Variants in DNAJA3 observed in about 807,000 individuals in gnomAD.
DNAJA3 encodes DnaJ heat shock protein family (Hsp40) member A3, also known as dnaJ homolog subfamily A member 3, mitochondrial.
A neutral mutation model predicts 54.9 loss-of-function variants in DNAJA3; 29 were observed. That is an observed-to-expected ratio of 0.53 (90% CI 0.39 to 0.72). The LOEUF is 0.72. Among genes scored for constraint, DNAJA3 ranks in the 30% least tolerant of loss-of-function variants. The pLI, the probability that DNAJA3 is intolerant of heterozygous loss-of-function variation, is 0.00. For synonymous variants in DNAJA3, 302 were observed against 251.4 expected, an observed-to-expected ratio of 1.20 and a Z score of -1.90; for missense variants, 708 against 639.4, an observed-to-expected ratio of 1.11 and a Z score of -1.16.
chr16:4,426,374 C>T (rs1407753843), intron 1 of DNAJA3, among the ~76,000 whole-genome samples: 1 of 152,348 alleles, frequency 6.6e-6, no homozygotes, highest in Non-Finnish European at 1.5e-5. Flanking sequence ...CCGCTGCTCC[C>T]TCGTCCTCTT....
At chr16:4,450,618 T>C in intron 10 of DNAJA3, 121 bp downstream of exon 10, 1 of 750,000 alleles carries the variant, frequency 1.3e-6, no homozygotes, top group Admixed American at 3.0e-5. Context: ...CTTTAAAATG[T>C]GCAGTTGAAA....
intron 2 of DNAJA3, among the ~76,000 whole-genome samples, chr16:4,435,992 C>A (rs1257565565): frequency 6.6e-6 from 1 of 152,212 alleles, no homozygotes; most frequent in African/African-American, 2.4e-5. Context: ...TAACTATTAT[C>A]GTCTGTCTTT....
intron 3 of DNAJA3, 75 bp from the exon 4 acceptor site, chr16:4,441,300 T>G (rs1316795006): frequency 5.8e-6 from 8 of 1,376,826 alleles, no homozygotes; most frequent in Non-Finnish European, 8.0e-6. Flanking sequence ...GCTGCCTTAT[T>G]TGCTGTGAAC....
intron 1 of DNAJA3, among the ~76,000 whole-genome samples, chr16:4,428,731 G>A (rs547927389): frequency 6.6e-6 from 1 of 152,242 alleles, no homozygotes; most frequent in Admixed American, 6.5e-5. Context: ...GGTACGTGCT[G>A]TTTTCACAGA....
intron 2 of DNAJA3, among the ~76,000 whole-genome samples, chr16:4,436,149 C>G (rs1253342092): frequency 6.6e-6 from 1 of 152,064 alleles, no homozygotes; most frequent in African/African-American, 2.4e-5. Flanking sequence ...GATCCATTGC[C>G]CACTTTTAAC....
chr16:4,455,704 T>G lies in DNAJA3; in HGVS notation c.*172T>G. On this transcript the variant is annotated 3_prime_UTR_variant, in exon 12 of 12. Transcript: ENST00000262375. ...GCAAAATCATGGGACAACACCTCTC[T>G]CCACGGAAAGGTCACAGTGGACAGC... The G allele has an allele frequency of 9.9e-7, 1 of 1,006,534 alleles. No homozygotes were observed. The highest frequency in any genetic ancestry group is 1.5e-6 in the Non-Finnish European group (1 of 666,790). The allele number at this position is 1,006,534 out of a possible 1,614,324, so 62.4% of individuals were successfully genotyped here.
intron 1 of DNAJA3, among the ~76,000 whole-genome samples, chr16:4,429,234 C>CA: frequency 6.6e-6 from 1 of 150,606 alleles, no homozygotes; most frequent in East Asian, 2.0e-4. Flanking sequence ...GCTCTGTAGC[C>CA]AGGCTGGAGT....
intron 8 of DNAJA3, 176 bp downstream of exon 8, chr16:4,447,190 G>A (rs1334316255): frequency 1.6e-5 from 11 of 688,278 alleles, no homozygotes; most frequent in East Asian, 8.4e-5. Flanking sequence ...ACAAGCCACA[G>A]GCCTTGAGTC....
At chr16:4,454,083 A>G (rs2057007993) in intron 10 of DNAJA3, among the ~76,000 whole-genome samples, 1 of 152,190 alleles carries the variant, frequency 6.6e-6, no homozygotes, top group African/African-American at 2.4e-5. Context: ...GGTTGAGAGC[A>G]TTTAGGTTAG....
In DNAJA3 at chr16:4,455,706, C is replaced by A; in HGVS notation, c.*174C>A. 1.0e-6 allele frequency: 1 copy of A among 985,782 alleles called. No homozygotes were observed. The highest frequency in any genetic ancestry group is 1.5e-6 in the Non-Finnish European group (1 of 648,584). The allele number at this position is 985,782 out of a possible 1,614,324, so 61.1% of individuals were successfully genotyped here. On this transcript the variant is annotated 3_prime_UTR_variant, in exon 12 of 12. Coordinates refer to ENST00000262375, the MANE Select transcript of DNAJA3 (RefSeq NM_005147.6). ...AAAATCATGGGACAACACCTCTCTC[C>A]ACGGAAAGGTCACAGTGGACAGCCC...
At chr16:4,431,771 T>C (rs2056705242) in intron 1 of DNAJA3, 1 of 152,078 alleles carries the variant, frequency 6.6e-6, no homozygotes. Flanking sequence ...AGAGACAAGA[T>C]TTCACCATGT....
Position 4,444,700 on chromosome 16 carries a change from G to A in DNAJA3, c.968G>A (p.Gly323Glu), listed in dbSNP as rs751316297. 6.2e-7 allele frequency: 1 copy of A among 1,614,152 alleles called. No individual in the cohort carries two copies. The highest frequency in any genetic ancestry group is 1.1e-5 in the South Asian group (1 of 91,086). ...EDGQTVRMPV[G>E]KREIFITFRV... ...GGCCAGACCGTGAGGATGCCTGTGG[G>A]AAAAAGGGAAATTTTCATTACGTTC... Residue 323 changes from glycine (G) to glutamate (E), a missense_variant, in exon 7 of 12, where the codon GGA becomes GAA. Transcript: ENST00000262375.
chr16:4,453,886 A>C (rs1288393754), intron 10 of DNAJA3, among the ~76,000 whole-genome samples: 2 of 152,140 alleles, frequency 1.3e-5, no homozygotes, highest in Non-Finnish European at 2.9e-5. Context: ...TGCGTGGCCT[A>C]GGTCTCTGAG....
chr16:4,442,973 G>A (rs1397703427), intron 5 of DNAJA3, 44 bp from the exon 6 acceptor site: 3 of 1,599,358 alleles, frequency 1.9e-6, no homozygotes, highest in Non-Finnish European at 2.6e-6. Flanking sequence ...CCACCCATCA[G>A]TTTACCTGCG....
At position 4,442,430 on chromosome 16, in the gene DNAJA3, T is replaced by C. The variant is rs1477700916; in HGVS notation, c.783+10T>C. On this transcript the variant is annotated intron_variant, in intron 5 of 11. Coordinates refer to ENST00000262375, the MANE Select transcript of DNAJA3 (RefSeq NM_005147.6). ...TGGCGGCTCCGGCATGGTAAGGCTC[T>C]GCCCGAGACTCCACCTCCCACGGCT... is the stretch of plus-strand genomic sequence containing the variant. 1 of 1,579,574 alleles carries C rather than the reference T, an allele frequency of 6.3e-7. No individual in the cohort carries two copies. Among genetic ancestry groups the C allele is most frequent in the Non-Finnish European group, 8.6e-7 (1 of 1,161,458 alleles).
At chr16:4,434,897 T>TTC (rs1424621694) in intron 2 of DNAJA3, among the ~76,000 whole-genome samples, 8 of 20,750 alleles carry the variant, frequency 3.9e-4, no homozygotes, top group Non-Finnish European at 1.7e-3. Flanking sequence ...TTTTTTTTTT[T>TTC]TTTTTTTTTT....
At position 4,435,191 on chromosome 16, in the gene DNAJA3, C is replaced by T. The variant is rs192669977; in HGVS notation, c.345+674C>T. Among the ~76,000 whole-genome samples the T allele has an allele frequency of 1.6e-3, 243 of 152,146 alleles. 1 individual carries two copies. The highest frequency in any genetic ancestry group is 3.1e-3 in the African/African-American group (129 of 41,514). On this transcript the variant is annotated intron_variant, in intron 2 of 11. Transcript: ENST00000262375. ...CTGGGATTACAGGCGTGAGCCACCG[C>T]GCCTGGCCCTTTCTTAACCTGGAAA... is the stretch of plus-strand genomic sequence containing the variant.
intron 10 of DNAJA3, among the ~76,000 whole-genome samples, chr16:4,450,857 G>C (rs1596371663): frequency 6.6e-6 from 1 of 152,218 alleles, no homozygotes; most frequent in East Asian, 1.9e-4. Flanking sequence ...AAAGCGTAAG[G>C]AGAGAGCATG....
chr16:4,454,650 C>T (rs927593945), intron 10 of DNAJA3, among the ~76,000 whole-genome samples, 161 bp from the exon 11 acceptor site: 1 of 152,266 alleles, frequency 6.6e-6, no homozygotes, highest in African/African-American at 2.4e-5. Context: ...GGTGAGGCAT[C>T]CTGTGCCATC....
Sources: allele counts gnomAD v4.1 joint callset (sites outside exome capture counted in the v4.1 genomes callset), GRCh38; gene constraint gnomAD v4.1.1; transcripts MANE v1.5; gene names NCBI Gene and HGNC (gene_info 2026-07-23, HGNC 2026-07-21).